Variants in NTN1 observed in about 807,000 individuals in gnomAD.
The protein encoded by NTN1 is netrin 1.
Under a neutral mutation model 54.2 loss-of-function variants are expected in NTN1, and 11 were observed. That is an observed-to-expected ratio of 0.20 (90% CI 0.13 to 0.34). The LOEUF is 0.34. NTN1 is among the 10% of genes least tolerant of loss of function. NTN1 has a pLI of 1.00. For synonymous variants in NTN1, 371 were observed against 382.0 expected, an observed-to-expected ratio of 0.97 and a Z score of 0.33; for missense variants, 740 against 893.1, an observed-to-expected ratio of 0.83 and a Z score of 2.18.
At chr17:9,133,069 C>T (rs2092270527) in intron 2 of NTN1, among the ~76,000 whole-genome samples, 2 of 152,164 alleles carry the variant, frequency 1.3e-5, no homozygotes, top group South Asian at 2.1e-4. Flanking sequence ...TCCACCTTAA[C>T]GGCTGACCAC....
chr17:9,042,206 CTTG>C (rs1179507550), intron 2 of NTN1, among the ~76,000 whole-genome samples: 4 of 152,158 alleles, frequency 2.6e-5, no homozygotes, highest in African/African-American at 9.6e-5. Context: ...GAAGGGGTAT[CTTG>C]TTGTGCTTGT....
the NTN1 span, among the ~76,000 whole-genome samples, chr17:9,004,923 T>C: frequency 0.026 from 4,008 of 152,286 alleles, 72 homozygotes; most frequent in Non-Finnish European, 0.042. Flanking sequence ...CCCAGGTGTG[T>C]AGGGGAGATG....
At chr17:9,073,867 C>T (rs539520857) in intron 2 of NTN1, among the ~76,000 whole-genome samples, 4 of 152,180 alleles carry the variant, frequency 2.6e-5, no homozygotes, top group African/African-American at 7.2e-5. Flanking sequence ...CCCTCTTTCG[C>T]GCAGTGAGTT....
chr17:9,172,026 T>A (rs1164419301), intron 3 of NTN1, among the ~76,000 whole-genome samples: 6 of 151,648 alleles, frequency 4.0e-5, no homozygotes, highest in Non-Finnish European at 7.4e-5. Context: ...GTAGCTGGGA[T>A]TACAGGCATG....
At chr17:9,066,007 T>C (rs1373812959) in intron 2 of NTN1, among the ~76,000 whole-genome samples, 1 of 152,184 alleles carries the variant, frequency 6.6e-6, no homozygotes, top group Non-Finnish European at 1.5e-5. Context: ...ACAATAAATA[T>C]GTGTAGAGGA....
chr17:9,066,631 G>GA (rs555848633), intron 2 of NTN1, among the ~76,000 whole-genome samples: 50 of 146,630 alleles, frequency 3.4e-4, no homozygotes, highest in Non-Finnish European at 5.9e-4. Context: ...CCGTCTCAAA[G>GA]AAAAAAAAAT....
intron 2 of NTN1, among the ~76,000 whole-genome samples, chr17:9,066,979 C>A (rs1210432943): frequency 7.6e-6 from 1 of 131,898 alleles, no homozygotes; most frequent in Admixed American, 8.3e-5. Flanking sequence ...CCAGCCTGGG[C>A]GACAGAGTGA....
intron 2 of NTN1, among the ~76,000 whole-genome samples, chr17:9,075,384 A>G (rs1376002383): frequency 1.3e-5 from 2 of 152,170 alleles, no homozygotes; most frequent in Non-Finnish European, 2.9e-5. Flanking sequence ...CAGGAGGCTG[A>G]GGCAGGAGAA....
intron 2 of NTN1, among the ~76,000 whole-genome samples, chr17:9,112,438 C>A (rs59551545): frequency 6.6e-6 from 1 of 152,172 alleles, no homozygotes; most frequent in African/African-American, 2.4e-5. Flanking sequence ...ATGTTCCCAG[C>A]GAGATTATTT....
intron 6 of NTN1, among the ~76,000 whole-genome samples, chr17:9,230,001 C>T (rs1334616202): frequency 2.0e-5 from 3 of 152,044 alleles, no homozygotes; most frequent in Non-Finnish European, 4.4e-5. Flanking sequence ...GAGGGTCTCA[C>T]CACTCCCGCC....
intron 5 of NTN1, among the ~76,000 whole-genome samples, chr17:9,208,402 A>G (rs370972069): frequency 6.6e-6 from 1 of 152,116 alleles, no homozygotes; most frequent in African/African-American, 2.4e-5. Flanking sequence ...CAGTCAGCTT[A>G]TTGTCCAGAG....
chr17:9,028,653 G>A (rs902685350), intron 2 of NTN1, among the ~76,000 whole-genome samples: 22 of 152,186 alleles, frequency 1.4e-4, no homozygotes, highest in African/African-American at 4.8e-4. Flanking sequence ...GAATCCCCTC[G>A]TTTTCTGCTC....
chr17:9,204,272 C>CTCTCTT (rs1381996228), intron 5 of NTN1, among the ~76,000 whole-genome samples: 2 of 141,960 alleles, frequency 1.4e-5, no homozygotes, highest in Non-Finnish European at 3.1e-5. Flanking sequence ...CTCCTTCTCT[C>CTCTCTT]TCTCTTTCTC....
chr17:9,176,493 C>G (rs752244213), intron 3 of NTN1: 2 of 152,278 alleles, frequency 1.3e-5, no homozygotes, highest in Admixed American at 1.3e-4. Flanking sequence ...CTCAGCCTCT[C>G]TTCCTTTGGC....
chr17:9,215,288 C>CACAT (rs34962426), intron 5 of NTN1, among the ~76,000 whole-genome samples: 5 of 150,640 alleles, frequency 3.3e-5, no homozygotes, highest in South Asian at 2.1e-4. Flanking sequence ...CACACACACA[C>CACAT]ATACACACAT....
intron 5 of NTN1, among the ~76,000 whole-genome samples, chr17:9,200,819 A>G (rs371043241): frequency 5.0e-4 from 76 of 152,322 alleles, no homozygotes; most frequent in African/African-American, 1.8e-3. Flanking sequence ...TGAGAAAGAC[A>G]CAGAAATAGA....
At position 9,033,929 on chromosome 17, in the gene NTN1, A is replaced by AAG. The variant is rs1555562789; in HGVS notation, c.1018+10539_1018+10540insGA. Among the ~76,000 whole-genome samples the AAG allele has an allele frequency of 1.4e-4, 21 of 151,908 alleles. No individual in the cohort carries two copies. The East Asian group carries it at 2.3e-3, about 17-fold the overall frequency. On this transcript the variant is annotated intron_variant, in intron 2 of 6. Coordinates refer to ENST00000173229, the MANE Select transcript of NTN1 (RefSeq NM_004822.3). ...CGAAACTCTGTCTCAAAAAAAAAAA[A>AAG]AAAAAGAAAAAGAAAAGAAAGAAAG...
At chr17:9,133,402 T>G (rs1366024046) in intron 2 of NTN1, among the ~76,000 whole-genome samples, 1 of 152,192 alleles carries the variant, frequency 6.6e-6, no homozygotes, top group Admixed American at 6.5e-5. Context: ...CAGGGCCATC[T>G]CTCCTCCTTG....
intron 2 of NTN1, among the ~76,000 whole-genome samples, chr17:9,106,308 A>G (rs1450425035): frequency 6.6e-6 from 1 of 152,190 alleles, no homozygotes; most frequent in Non-Finnish European, 1.5e-5. Flanking sequence ...TCTTGGGGGC[A>G]GAATTTTTGT....
Sources: gnomAD v4.1 joint callset for allele counts (sites outside exome capture counted in the v4.1 genomes callset) on GRCh38, gnomAD v4.1.1 for gene constraint, MANE v1.5 for transcripts, NCBI Gene and HGNC (gene_info 2026-07-23, HGNC 2026-07-21) for gene names.